Variants in MAST4 observed in about 807,000 individuals in gnomAD.
The protein encoded by MAST4 is microtubule associated serine/threonine kinase family member 4, also known as microtubule-associated serine/threonine-protein kinase 4.
A neutral mutation model predicts 162.7 loss-of-function variants in MAST4; 89 were observed. The ratio of observed to expected loss-of-function variants is 0.55; its 90% CI spans 0.46 to 0.65. The LOEUF (loss-of-function observed/expected upper bound fraction) is 0.65, where lower values mean the gene tolerates loss of function less well. Among genes scored for constraint, MAST4 ranks in the 30% least tolerant of loss-of-function variants. The pLI, the probability that MAST4 is intolerant of heterozygous loss-of-function variation, is 0.00. For missense variants in MAST4, 3,153 were observed against 3,374.0 expected, an observed-to-expected ratio of 0.93 and a Z score of 1.62; for synonymous variants, 1,479 against 1,361.1, an observed-to-expected ratio of 1.09 and a Z score of -1.91.
intron 14 of MAST4, among the ~76,000 whole-genome samples, chr5:67,126,610 T>G (rs1017434604): frequency 1.3e-5 from 2 of 152,212 alleles, no homozygotes; most frequent in African/African-American, 4.8e-5. Flanking sequence ...TGTATATCTG[T>G]TTTGGTACCA....
intron 5 of MAST4, among the ~76,000 whole-genome samples, chr5:67,056,252 T>A (rs1281876347): frequency 6.6e-6 from 1 of 152,102 alleles, no homozygotes; most frequent in Non-Finnish European, 1.5e-5. Context: ...ACATTACTTC[T>A]ATTACTACCA....
At chr5:67,063,750 A>G (rs1759911358) in intron 5 of MAST4, among the ~76,000 whole-genome samples, 1 of 151,936 alleles carries the variant, frequency 6.6e-6, no homozygotes, top group Admixed American at 6.6e-5. Flanking sequence ...TTGTGTATCC[A>G]CTGGGGACTT....
At chr5:66,817,618 C>T (rs1430038075) in intron 3 of MAST4, among the ~76,000 whole-genome samples, 1 of 152,090 alleles carries the variant, frequency 6.6e-6, no homozygotes, top group African/African-American at 2.4e-5. Context: ...ATTAAAAATG[C>T]AAATCAGTTA....
At chr5:66,805,466 T>C (rs916004614) in intron 3 of MAST4, among the ~76,000 whole-genome samples, 1 of 152,220 alleles carries the variant, frequency 6.6e-6, no homozygotes, top group African/African-American at 2.4e-5. Context: ...TCTCCCCATT[T>C]TAGCATTTTT....
At chr5:67,074,510 A>G (rs1018113815) in intron 5 of MAST4, among the ~76,000 whole-genome samples, 1 of 152,208 alleles carries the variant, frequency 6.6e-6, no homozygotes, top group African/African-American at 2.4e-5. Context: ...TTGCAGCATT[A>G]ATTTGTAGTA....
chr5:66,914,563 A>AGG (rs139131761), intron 4 of MAST4, among the ~76,000 whole-genome samples: 4,977 of 152,208 alleles, frequency 0.033, 144 homozygotes, highest in African/African-American at 0.076. Context: ...GAAGAGGAAG[A>AGG]GTGTGACCAG....
chr5:67,000,765 G>T (rs1200846743), intron 4 of MAST4, among the ~76,000 whole-genome samples: 2 of 150,678 alleles, frequency 1.3e-5, no homozygotes, highest in African/African-American at 4.9e-5. Context: ...AAGGGGGGGG[G>T]TGGCTTGTGT....
In MAST4 at chr5:66,673,523, G is replaced by GTTTTTTTT. The variant is rs1208217801; in HGVS notation, c.363+76511_363+76512insTTTTTTTT. 1.5e-3 allele frequency among the ~76,000 whole-genome samples: 203 copies of GTTTTTTTT among 131,268 alleles called. 3 individuals are homozygous for GTTTTTTTT. The highest frequency in any genetic ancestry group is 2.8e-3 in the South Asian group (11 of 3,884). 86.1% of individuals were successfully genotyped at this position (131,268 alleles called of 152,430 possible). On this transcript the variant is annotated intron_variant, in intron 1 of 28. Transcript: ENST00000403625. ...AATACGCTAGTTTTTTTTGTTTTTTGTTTTTTGTTTTTTTTTTTTTTGAGA... is the reference window on the plus strand; with the variant it reads ...AATACGCTAGTTTTTTTTGTTTTTTGTTTTTTTTTTTTTTGTTTTTTTTTTTTTTGAGA...
At chr5:66,871,040 A>C (rs1234465000) in intron 3 of MAST4, among the ~76,000 whole-genome samples, 1 of 152,214 alleles carries the variant, frequency 6.6e-6, no homozygotes, top group African/African-American at 2.4e-5. Context: ...GTAAGTGTTT[A>C]ACAACCAGTC....
intron 4 of MAST4, among the ~76,000 whole-genome samples, chr5:66,967,936 A>T (rs1161543302): frequency 1.3e-5 from 2 of 152,094 alleles, no homozygotes; most frequent in African/African-American, 4.8e-5. Context: ...ATTGGCTACC[A>T]CTTAGGAGCT....
intron 3 of MAST4, among the ~76,000 whole-genome samples, chr5:66,897,292 T>A (rs1428026786): frequency 6.6e-6 from 1 of 152,176 alleles, no homozygotes; most frequent in African/African-American, 2.4e-5. Flanking sequence ...TCTAATTATC[T>A]AAGTATGTGT....
chr5:66,729,384 G>A (rs1166401873), intron 1 of MAST4, among the ~76,000 whole-genome samples: 1 of 152,166 alleles, frequency 6.6e-6, no homozygotes, highest in African/African-American at 2.4e-5. Context: ...AAATGATGCT[G>A]TTGATTAGCT....
At chr5:67,052,600 G>A (rs1381961878) in intron 4 of MAST4, among the ~76,000 whole-genome samples, 2 of 151,810 alleles carry the variant, frequency 1.3e-5, no homozygotes, top group Admixed American at 1.3e-4. Context: ...AAGTATATCA[G>A]CATATTTCAC....
intron 1 of MAST4, among the ~76,000 whole-genome samples, chr5:66,620,840 G>A (rs1744030331): frequency 6.6e-6 from 1 of 151,910 alleles, no homozygotes; most frequent in African/African-American, 2.4e-5. Flanking sequence ...ATGGTAGGGA[G>A]CTCAAAAGTG....
At chr5:66,924,818 T>C (rs768888988) in intron 4 of MAST4, among the ~76,000 whole-genome samples, 4 of 152,216 alleles carry the variant, frequency 2.6e-5, no homozygotes, top group Non-Finnish European at 5.9e-5. Context: ...AGGGAAAAGA[T>C]AGTTTACAAA....
chr5:66,866,521 T>G (rs1285270012), intron 3 of MAST4, among the ~76,000 whole-genome samples: 1 of 152,236 alleles, frequency 6.6e-6, no homozygotes, highest in Non-Finnish European at 1.5e-5. Context: ...ATTGACTTAT[T>G]TTCATGGAAT....
intron 2 of MAST4, among the ~76,000 whole-genome samples, chr5:66,763,453 A>C (rs1753942727): frequency 6.6e-6 from 1 of 152,220 alleles, no homozygotes; most frequent in African/African-American, 2.4e-5. Flanking sequence ...GTCATATGTC[A>C]AGAGAATTAA....
chr5:66,927,999 G>A (rs758689104), intron 4 of MAST4, among the ~76,000 whole-genome samples: 12 of 152,088 alleles, frequency 7.9e-5, no homozygotes, highest in South Asian at 4.1e-4. Flanking sequence ...TGGTCTGTAC[G>A]TCTATCCCTG....
intron 25 of MAST4, among the ~76,000 whole-genome samples, chr5:67,153,228 T>C (rs2151082974): frequency 6.6e-6 from 1 of 152,332 alleles, no homozygotes; most frequent in South Asian, 2.1e-4. Flanking sequence ...CATTTTTTTT[T>C]CTTTGTGGCT....
Sources: gnomAD v4.1 joint callset for allele counts (sites outside exome capture counted in the v4.1 genomes callset) on GRCh38, gnomAD v4.1.1 for gene constraint, MANE v1.5 for transcripts, NCBI Gene and HGNC (gene_info 2026-07-23, HGNC 2026-07-21) for gene names.